TAX1BP3: variants seen among roughly 807,000 people sequenced by gnomAD.
TAX1BP3 encodes Tax1 binding protein 3.
TAX1BP3 carries 13 observed loss-of-function variants against 15.3 expected under a neutral mutation model. That is an observed-to-expected ratio of 0.85 (90% CI 0.55 to 1.35). TAX1BP3 has a LOEUF of 1.35. Ranked by LOEUF, TAX1BP3 falls within the 40% of genes most tolerant of loss-of-function variation. TAX1BP3 has a pLI of 0.00. For synonymous variants in TAX1BP3, 70 were observed against 66.0 expected (o/e 1.06, Z -0.30); for missense variants, 147 against 169.6 (o/e 0.87, Z 0.74).
chr17:3,664,616 G>C, intron 2 of TAX1BP3, 63 bp downstream of exon 2: 1 of 1,599,672 alleles, frequency 6.3e-7, no homozygotes, highest in East Asian at 2.2e-5. Flanking sequence ...CCAGGAAGCA[G>C]AGACCCACCA....
At chr17:3,665,445 G>C (rs1019866699) in intron 1 of TAX1BP3, 75 of 1,426,278 alleles carry the variant, frequency 5.3e-5, no homozygotes, top group Non-Finnish European at 6.7e-5. Flanking sequence ...TGGCATTGTT[G>C]TAAACAAACA....
intron 1 of TAX1BP3, among the ~76,000 whole-genome samples, chr17:3,667,428 G>T (rs976140054): frequency 2.0e-5 from 3 of 150,992 alleles, no homozygotes; most frequent in Admixed American, 6.6e-5. Flanking sequence ...GTTTCCTCCT[G>T]GCCCAGGCCT....
chr17:3,665,642 G>A, intron 1 of TAX1BP3: 1 of 1,083,700 alleles, frequency 9.2e-7, no homozygotes, highest in East Asian at 2.6e-5. Flanking sequence ...CACACTTTGT[G>A]AGAACCAACG....
intron 1 of TAX1BP3, 87 bp from the exon 2 acceptor site, chr17:3,664,885 A>G: frequency 6.5e-7 from 1 of 1,543,048 alleles, no homozygotes; most frequent in East Asian, 2.3e-5. Flanking sequence ...CAGAGCCATG[A>G]CAAGGGGCTG....
At chr17:3,663,961 C>G in intron 3 of TAX1BP3, 76 bp from the exon 4 acceptor site, 2 of 1,551,336 alleles carry the variant, frequency 1.3e-6, no homozygotes, top group Non-Finnish European at 1.7e-6. Flanking sequence ...CTTTGGGGGC[C>G]CAGGTCATTC....
At chr17:3,667,333 A>C (rs2076352095) in intron 1 of TAX1BP3, among the ~76,000 whole-genome samples, 3 of 138,834 alleles carry the variant, frequency 2.2e-5, no homozygotes, top group Admixed American at 7.1e-5. Context: ...ACAGAGCAAG[A>C]CTGTCTCAAA....
Position 3,663,601 on chromosome 17 carries a change from A to C in TAX1BP3, c.*147T>G. The C allele has an allele frequency of 8.2e-7, 1 of 1,215,606 alleles. No individual in the cohort carries two copies. The highest frequency in any genetic ancestry group is 1.1e-6 in the Non-Finnish European group (1 of 917,832). The allele number at this position is 1,215,606 out of a possible 1,614,324, so 75.3% of individuals were successfully genotyped here. On this transcript the variant is annotated 3_prime_UTR_variant, in exon 4 of 4. Coordinates refer to ENST00000225525, the MANE Select transcript of TAX1BP3 (RefSeq NM_014604.4). Reference sequence around the variant, plus strand: ...CCCAGGCCAGGGATGGGAGAAGGGAAGGAAGGCCAGGCCAGGCCTCTGGGA... The same window carrying C: ...CCCAGGCCAGGGATGGGAGAAGGGACGGAAGGCCAGGCCAGGCCTCTGGGA...
chr17:3,664,741 T>A lies in TAX1BP3; in HGVS notation c.97A>T (p.Ile33Phe), dbSNP rs1482965293. 1 of 1,613,768 alleles carries A rather than the reference T, an allele frequency of 6.2e-7. No homozygotes were observed. The highest frequency in any genetic ancestry group is 8.5e-7 in the Non-Finnish European group (1 of 1,179,936). ...GGATCCTGGTCGATTCCACCTCCAA[T>A]GCTGAAACCCAGGATTAAGTTCTCA... ...QGENLILGFS[I>F]GGGIDQDPSQ... The change falls in exon 2 of 4, where the codon ATT becomes TTT. Residue 33 changes from isoleucine to phenylalanine, a missense_variant. Coordinates refer to ENST00000225525, the MANE Select transcript of TAX1BP3 (RefSeq NM_014604.4).
chr17:3,668,547 C>T lies in TAX1BP3; in HGVS notation c.-21G>A. On this transcript the variant is annotated 5_prime_UTR_variant, in exon 1 of 4. Coordinates refer to ENST00000225525, the MANE Select transcript of TAX1BP3 (RefSeq NM_014604.4). The surrounding 1 kb of genome is among the most constrained non-coding windows in gnomAD (Gnocchi z 4.1). ...GACATCTCGACCCTGCTCTGGTCGCCCAGCGCCGCTCCGAGAAGCCGGCAG... is the reference window on the plus strand; with the variant it reads ...GACATCTCGACCCTGCTCTGGTCGCTCAGCGCCGCTCCGAGAAGCCGGCAG... 1.3e-6 allele frequency: 2 copies of T among 1,596,260 alleles called. No individual in the cohort carries two copies. Among genetic ancestry groups the T allele is most frequent in the East Asian group, 2.3e-5 (1 of 43,630 alleles).
chr17:3,665,745 A>G lies in TAX1BP3; in HGVS notation c.40-947T>C, dbSNP rs1278920891. ...AAAATAAAGGATCTCTGGGCTCCAAAAAAAAAAAAAAAAAAAAAAAGAAAG... is the reference window on the plus strand; with the variant it reads ...AAAATAAAGGATCTCTGGGCTCCAAGAAAAAAAAAAAAAAAAAAAAGAAAG... On this transcript the variant is annotated intron_variant, in intron 1 of 3. Coordinates refer to ENST00000225525, the MANE Select transcript of TAX1BP3 (RefSeq NM_014604.4). 129 of 534,726 alleles carry G rather than the reference A, an allele frequency of 2.4e-4. 1 individual carries two copies. Among genetic ancestry groups the G allele is most frequent in the South Asian group, 2.0e-3 (106 of 53,528 alleles). 33.1% of individuals were successfully genotyped at this position (534,726 alleles called of 1,614,324 possible). A position where few individuals can be genotyped will look rare whatever the true frequency, so the allele number is the denominator to read the frequency against.
chr17:3,665,651 C>T lies in TAX1BP3; in HGVS notation c.40-853G>A, dbSNP rs940648967. ...GGGAAGCACACTTTGTGAGAACCAACGGGAAGGCGCCTGAGCTGCTGGAAC... is the reference window on the plus strand; with the variant it reads ...GGGAAGCACACTTTGTGAGAACCAATGGGAAGGCGCCTGAGCTGCTGGAAC... On this transcript the variant is annotated intron_variant, in intron 1 of 3. Transcript: ENST00000225525. The T allele has an allele frequency of 1.6e-4, 163 of 1,050,588 alleles. 1 individual carries two copies. Among genetic ancestry groups the T allele is most frequent in the Non-Finnish European group, 2.1e-4 (143 of 691,804 alleles). The allele number at this position is 1,050,588 out of a possible 1,614,324, so 65.1% of individuals were successfully genotyped here.
chr17:3,663,911 C>T, intron 3 of TAX1BP3, 26 bp from the exon 4 acceptor site: 1 of 1,593,488 alleles, frequency 6.3e-7, no homozygotes. Flanking sequence ...AACACAGGCT[C>T]ACCTCAGCTC....
At chr17:3,664,140 T>C in intron 3 of TAX1BP3, 55 bp downstream of exon 3, 1 of 1,607,612 alleles carries the variant, frequency 6.2e-7, no homozygotes, top group Non-Finnish European at 8.5e-7. Flanking sequence ...CACCCCCAAG[T>C]GCTTCAGACC....
chr17:3,668,436 TGCGAGGTGGGG>T lies in TAX1BP3; in HGVS notation c.39+41_39+51del. ...TGCTTGGGGTGTCCGTTTCCCGCTC[TGCGAGGTGGGG>T]TCAGGCCAAGACGAGGAGGAGCCCG... is the stretch of plus-strand genomic sequence containing the variant. On this transcript the variant is annotated intron_variant, in intron 1 of 3. Coordinates refer to ENST00000225525, the MANE Select transcript of TAX1BP3 (RefSeq NM_014604.4). The surrounding 1 kb of genome is among the most constrained non-coding windows in gnomAD (Gnocchi z 4.1). The T allele has an allele frequency of 6.3e-7, 1 of 1,592,382 alleles. No homozygotes were observed.
Position 3,663,612 on chromosome 17 carries a change from G to T in TAX1BP3, c.*136C>A. 1 of 1,319,916 alleles carries T rather than the reference G, an allele frequency of 7.6e-7. No individual in the cohort carries two copies. Among genetic ancestry groups the T allele is most frequent in the Non-Finnish European group, 1.0e-6 (1 of 1,003,486 alleles). 81.8% of individuals were successfully genotyped at this position (1,319,916 alleles called of 1,614,324 possible). On this transcript the variant is annotated 3_prime_UTR_variant, in exon 4 of 4. Coordinates refer to ENST00000225525, the MANE Select transcript of TAX1BP3 (RefSeq NM_014604.4). ...GATGGGAGAAGGGAAGGAAGGCCAGGCCAGGCCTCTGGGACCAGCTATAGC... is the reference window on the plus strand; with the variant it reads ...GATGGGAGAAGGGAAGGAAGGCCAGTCCAGGCCTCTGGGACCAGCTATAGC...
rs149326720 is a variant in TAX1BP3 at position 3,664,712 on chromosome 17, G to C, written c.126C>G (p.Ser42=). ...SIGGGIDQDP[S]QNPFSEDKTD... is the part of the protein sequence containing the mutation. Reference sequence around the variant, plus strand: ...TCTTGTCTTCAGAGAAGGGATTCTGGGAAGGATCCTGGTCGATTCCACCTC... The same window carrying C: ...TCTTGTCTTCAGAGAAGGGATTCTGCGAAGGATCCTGGTCGATTCCACCTC... Residue 42 remains serine, a synonymous_variant, in exon 2 of 4, where the codon TCC becomes TCG. Transcript: ENST00000225525. 9.8e-5 allele frequency: 158 copies of C among 1,613,716 alleles called. No individual in the cohort carries two copies. Among genetic ancestry groups the C allele is most frequent in the Non-Finnish European group, 1.2e-4 (147 of 1,179,930 alleles).
rs2076300291 is a variant in TAX1BP3, at chr17:3,663,119, A to G, written c.*629T>C. On this transcript the variant is annotated 3_prime_UTR_variant, in exon 4 of 4. Coordinates refer to ENST00000225525, the MANE Select transcript of TAX1BP3 (RefSeq NM_014604.4). Reference sequence around the variant, plus strand: ...GTTAAACCCACAGGCAAAGAGGAAAATGACAATCCTGAGAGCTGCCCTGAT... The same window carrying G: ...GTTAAACCCACAGGCAAAGAGGAAAGTGACAATCCTGAGAGCTGCCCTGAT... 1 of 152,288 alleles carries G rather than the reference A, an allele frequency of 6.6e-6. No individual in the cohort carries two copies. The highest frequency in any genetic ancestry group is 6.5e-5 in the Admixed American group (1 of 15,288). 9.4% of individuals were successfully genotyped at this position (152,288 alleles called of 1,614,324 possible).
Position 3,663,791 on chromosome 17 carries a change from C to T in TAX1BP3, c.332G>A (p.Arg111Gln), listed in dbSNP as rs747198869. 14 of 1,606,804 alleles carry T rather than the reference C, an allele frequency of 8.7e-6. No individual in the cohort carries two copies. Among genetic ancestry groups the T allele is most frequent in the South Asian group, 2.2e-5 (2 of 90,764 alleles). The change falls in exon 4 of 4, where the codon CGG (arginine) becomes CAG (glutamine). Residue 111 changes from arginine to glutamine, a missense_variant. Physicochemically the swap from Arg to Gln is conservative, Grantham distance 43. Coordinates refer to ENST00000225525, the MANE Select transcript of TAX1BP3 (RefSeq NM_014604.4). ...CTGCACGGCCTTCTGCAGCGACTGC[C>T]GCGTCACCAGCAGACGCACCACCTC... is the stretch of plus-strand genomic sequence containing the variant. ...SEEVVRLLVT[R>Q]QSLQKAVQQS...
At chr17:3,664,089 T>G in intron 3 of TAX1BP3, 106 bp downstream of exon 3, 1 of 1,509,490 alleles carries the variant, frequency 6.6e-7, no homozygotes. Flanking sequence ...CCCAATTGGC[T>G]GCAGTGAGTC....
Sources: allele counts gnomAD v4.1 joint callset (sites outside exome capture counted in the v4.1 genomes callset), GRCh38; gene constraint gnomAD v4.1.1; non-coding constraint Gnocchi (gnomAD v3.1); transcripts MANE v1.5; gene names NCBI Gene and HGNC (gene_info 2026-07-23, HGNC 2026-07-21).